The following LPP variants were observed in gnomAD, a reference collection of about 807,000 sequenced individuals.
LPP encodes lipoma-preferred partner.
A neutral mutation model predicts 60.4 loss-of-function variants in LPP; 38 were observed. That is an observed-to-expected ratio of 0.63 (90% CI 0.49 to 0.83). The LOEUF is 0.83. Among genes scored for constraint, LPP ranks in the 40% least tolerant of loss-of-function variants. The pLI, the probability that LPP is intolerant of heterozygous loss-of-function variation, is 0.00. For synonymous variants in LPP, 328 were observed against 290.8 expected, an observed-to-expected ratio of 1.13 and a Z score of -1.30; for missense variants, 902 against 783.6, an observed-to-expected ratio of 1.15 and a Z score of -1.80.
chr3:188,646,106 A>G (rs574558814), intron 7 of LPP, among the ~76,000 whole-genome samples: 13 of 152,214 alleles, frequency 8.5e-5, no homozygotes, highest in Non-Finnish European at 1.6e-4. Context: ...TTTTCTTTTT[A>G]TCAGGGTTGT....
chr3:188,592,563 T>TTTTTTTTTTTTTTTTTTTTG, intron 6 of LPP, among the ~76,000 whole-genome samples: 1 of 77,246 alleles, frequency 1.3e-5, no homozygotes. Flanking sequence ...TTTTGTTTTT[T>TTTTTTTTTTTTTTTTTTTTG]AAATGGAGTC....
intron 5 of LPP, among the ~76,000 whole-genome samples, chr3:188,503,473 A>G (rs1036038865): frequency 1.3e-5 from 2 of 152,162 alleles, no homozygotes; most frequent in African/African-American, 4.8e-5. Flanking sequence ...TCATGATTAC[A>G]ATGATGTTAG....
intron 7 of LPP, among the ~76,000 whole-genome samples, chr3:188,701,788 A>G (rs1337543703): frequency 1.3e-5 from 2 of 151,126 alleles, no homozygotes; most frequent in Admixed American, 1.3e-4. Flanking sequence ...TCTTGGTGTT[A>G]GAAGATGTTT....
At chr3:188,866,916 A>C (rs1370450150) in intron 10 of LPP, among the ~76,000 whole-genome samples, 2 of 152,148 alleles carry the variant, frequency 1.3e-5, no homozygotes, top group Admixed American at 6.6e-5. Context: ...TCACATATTC[A>C]AAGGCAGTTT....
chr3:188,242,405 A>G (rs993668912), intron 2 of LPP, among the ~76,000 whole-genome samples: 2 of 152,016 alleles, frequency 1.3e-5, no homozygotes, highest in African/African-American at 4.8e-5. Flanking sequence ...GAGAGAAGGA[A>G]AAGAAGAAGG....
At chr3:188,256,857 A>G (rs1340977267) in intron 2 of LPP, among the ~76,000 whole-genome samples, 1 of 152,176 alleles carries the variant, frequency 6.6e-6, no homozygotes, top group African/African-American at 2.4e-5. Flanking sequence ...TTGTGCAGGG[A>G]GGTACACATG....
intron 1 of LPP, among the ~76,000 whole-genome samples, chr3:188,186,233 G>A (rs565112434): frequency 9.2e-5 from 14 of 152,314 alleles, no homozygotes; most frequent in Admixed American, 6.5e-4. Flanking sequence ...CACAGCCTGA[G>A]ATGTCTGTTG....
intron 8 of LPP, among the ~76,000 whole-genome samples, chr3:188,733,484 T>G (rs1560129868): frequency 6.6e-6 from 1 of 152,322 alleles, no homozygotes; most frequent in East Asian, 1.9e-4. Context: ...GCCCCCCTTC[T>G]CTAACATGGT....
chr3:188,380,433 T>C (rs1401787377), intron 3 of LPP, among the ~76,000 whole-genome samples: 1 of 152,252 alleles, frequency 6.6e-6, no homozygotes, highest in East Asian at 1.9e-4. Context: ...ATTTTAGATA[T>C]TGAGTCTATC....
chr3:188,320,777 GT>G (rs1756702712), intron 2 of LPP, among the ~76,000 whole-genome samples: 1 of 152,182 alleles, frequency 6.6e-6, no homozygotes, highest in South Asian at 2.1e-4. Flanking sequence ...CTTACTGAAT[GT>G]TTTACCTTCT....
intron 8 of LPP, among the ~76,000 whole-genome samples, chr3:188,758,210 G>A (rs533968429): frequency 6.6e-6 from 1 of 152,198 alleles, no homozygotes; most frequent in South Asian, 2.1e-4. Flanking sequence ...CACCCAGCTG[G>A]AGTGCAGTGG....
chr3:188,280,791 T>G (rs1741707812), intron 2 of LPP, among the ~76,000 whole-genome samples: 1 of 152,128 alleles, frequency 6.6e-6, no homozygotes, highest in Non-Finnish European at 1.5e-5. Context: ...GAATGTGGGC[T>G]TTGGAGTTGG....
chr3:188,183,395 T>C (rs188309311), intron 1 of LPP, among the ~76,000 whole-genome samples: 141 of 152,310 alleles, frequency 9.3e-4, no homozygotes, highest in African/African-American at 3.2e-3. Context: ...TGTAGAGTCA[T>C]GGGCAGCACC....
intron 4 of LPP, among the ~76,000 whole-genome samples, chr3:188,456,860 C>T (rs1253758050): frequency 1.3e-5 from 2 of 152,156 alleles, no homozygotes; most frequent in African/African-American, 4.8e-5. Context: ...TATATTGAGG[C>T]TGTGACAGTC....
Position 188,734,157 on chromosome 3 carries a change from A to G in LPP, c.1240+25764A>G, listed in dbSNP as rs1416885076. ...CTGTCTCTTCTGTTTACTAATAAAA[A>G]GCATTTAAATTGATGAAATGCCTCT... On this transcript the variant is annotated intron_variant, in intron 8 of 11. Transcript: ENST00000617246. Among the ~76,000 whole-genome samples the G allele has an allele frequency of 5.3e-5, 8 of 152,332 alleles. No individual in the cohort carries two copies. The East Asian group carries it at 1.3e-3, about 26-fold the overall frequency.
chr3:188,327,251 A>G (rs1434695385), intron 2 of LPP, among the ~76,000 whole-genome samples: 1 of 152,178 alleles, frequency 6.6e-6, no homozygotes, highest in Non-Finnish European at 1.5e-5. Context: ...TGCAACTGGG[A>G]TAGTTTATGA....
At chr3:188,205,240 T>C (rs915713292) in intron 1 of LPP, among the ~76,000 whole-genome samples, 11 of 152,086 alleles carry the variant, frequency 7.2e-5, no homozygotes, top group African/African-American at 2.7e-4. Context: ...TGCTTATAAC[T>C]TGCTTGAGAG....
At chr3:188,743,927 G>C (rs940331507) in intron 8 of LPP, 1 of 151,912 alleles carries the variant, frequency 6.6e-6, no homozygotes, top group African/African-American at 2.4e-5. Flanking sequence ...TTTGGCATGC[G>C]TCTTCTTTCT....
chr3:188,534,936 C>T (rs1823161593), intron 6 of LPP, among the ~76,000 whole-genome samples: 1 of 152,172 alleles, frequency 6.6e-6, no homozygotes, highest in Non-Finnish European at 1.5e-5. Context: ...TAAAGTTAAA[C>T]ACTGCCTTTC....
Sources: allele counts gnomAD v4.1 joint callset (sites outside exome capture counted in the v4.1 genomes callset), GRCh38; gene constraint gnomAD v4.1.1; transcripts MANE v1.5; gene names NCBI Gene and HGNC (gene_info 2026-07-23, HGNC 2026-07-21).